The following GRID2 variants were observed in gnomAD, a reference collection of about 807,000 sequenced individuals.
The protein encoded by GRID2 is glutamate receptor ionotropic, delta-2.
A neutral mutation model predicts 114.8 loss-of-function variants in GRID2; 33 were observed. The observed-to-expected ratio is 0.29, with a 90% CI of 0.22 to 0.38. GRID2 has a LOEUF of 0.38. Among genes scored for constraint, GRID2 ranks in the 10% least tolerant of loss-of-function variants. The probability of loss-of-function intolerance (pLI) is 1.00; values close to 1 mark genes in which losing one functional copy is unlikely to be tolerated. For missense variants in GRID2, 1,184 were observed against 1,257.7 expected (o/e 0.94, Z 0.89); for synonymous variants, 505 against 449.9 (o/e 1.12, Z -1.55).
At chr4:93,438,426 T>G (rs1427246150) in intron 10 of GRID2, among the ~76,000 whole-genome samples, 1 of 152,126 alleles carries the variant, frequency 6.6e-6, no homozygotes, top group Non-Finnish European at 1.5e-5. Context: ...CATGTTTGCC[T>G]TGATAAATAG....
chr4:93,662,701 T>A (rs1723602778), intron 14 of GRID2, among the ~76,000 whole-genome samples: 2 of 152,280 alleles, frequency 1.3e-5, no homozygotes, highest in East Asian at 1.9e-4. Flanking sequence ...TGTAGTAGCA[T>A]GAGAGTTTAT....
intron 4 of GRID2, among the ~76,000 whole-genome samples, chr4:93,190,791 T>C (rs914176737): frequency 1.5e-4 from 23 of 152,078 alleles, no homozygotes; most frequent in African/African-American, 5.3e-4. Flanking sequence ...ATAATTCATA[T>C]TGGATGTTTT....
intron 2 of GRID2, among the ~76,000 whole-genome samples, chr4:93,064,789 G>A (rs769018679): frequency 5.9e-5 from 9 of 151,764 alleles, no homozygotes; most frequent in African/African-American, 7.2e-5. Context: ...AGTCTTCTAC[G>A]TATATTAGCA....
chr4:92,772,670 A>G (rs1196626240), intron 2 of GRID2, among the ~76,000 whole-genome samples: 3 of 152,142 alleles, frequency 2.0e-5, no homozygotes, highest in Non-Finnish European at 4.4e-5. Flanking sequence ...TTGCGACCCC[A>G]TGTTCTCTTC....
chr4:93,645,669 C>A (rs1722043043), intron 14 of GRID2, among the ~76,000 whole-genome samples: 1 of 152,138 alleles, frequency 6.6e-6, no homozygotes, highest in Non-Finnish European at 1.5e-5. Flanking sequence ...CTATTCACAT[C>A]TAATACATTT....
At chr4:92,861,862 C>T (rs1413496726) in intron 2 of GRID2, among the ~76,000 whole-genome samples, 1 of 152,026 alleles carries the variant, frequency 6.6e-6, no homozygotes, top group African/African-American at 2.4e-5. Context: ...ACCCTGGCTA[C>T]TCCATGGATC....
At chr4:93,560,254 CAG>C (rs1421008464) in intron 13 of GRID2, among the ~76,000 whole-genome samples, 2 of 52,940 alleles carry the variant, frequency 3.8e-5, no homozygotes, top group Non-Finnish European at 7.6e-5. Flanking sequence ...AAAAAAAAAA[CAG>C]AAAGAAATAC....
chr4:92,711,638 C>CA (rs1224315178), intron 2 of GRID2, among the ~76,000 whole-genome samples: 1 of 152,136 alleles, frequency 6.6e-6, no homozygotes, highest in Non-Finnish European at 1.5e-5. Flanking sequence ...TGGGGTGACT[C>CA]ACGCCTGTAA....
chr4:93,740,379 A>G (rs985653213), intron 14 of GRID2, among the ~76,000 whole-genome samples: 1 of 152,190 alleles, frequency 6.6e-6, no homozygotes, highest in African/African-American at 2.4e-5. Context: ...TCACGTTCCA[A>G]TAAGCTACGC....
intron 8 of GRID2, among the ~76,000 whole-genome samples, chr4:93,387,930 A>G (rs1450692304): frequency 6.6e-6 from 1 of 152,170 alleles, no homozygotes; most frequent in African/African-American, 2.4e-5. Context: ...TCCAATAAAA[A>G]TTGAAGTCTC....
intron 2 of GRID2, among the ~76,000 whole-genome samples, chr4:92,606,176 G>T (rs775098448): frequency 7.4e-4 from 109 of 147,476 alleles, no homozygotes; most frequent in Non-Finnish European, 1.4e-3. Context: ...ATAGTTTTCT[G>T]TACACTTGTA....
intron 2 of GRID2, among the ~76,000 whole-genome samples, chr4:93,011,765 T>G (rs1321130043): frequency 2.6e-5 from 4 of 152,100 alleles, no homozygotes; most frequent in Non-Finnish European, 5.9e-5. Context: ...TTAGTTTTTA[T>G]CCACCTAAAG....
intron 11 of GRID2, among the ~76,000 whole-genome samples, chr4:93,466,760 C>T (rs1452644037): frequency 6.6e-6 from 1 of 152,100 alleles, no homozygotes; most frequent in Non-Finnish European, 1.5e-5. Context: ...CACCTCCTAC[C>T]TCAGTATCAA....
rs1462105719 is a variant in GRID2 at position 93,102,136 on chromosome 4, G to A, written c.530-8612G>A. Among the ~76,000 whole-genome samples the A allele has an allele frequency of 2.0e-5, 3 of 152,194 alleles. No individual in the cohort carries two copies. The East Asian group carries it at 5.8e-4, about 29-fold the overall frequency. On this transcript the variant is annotated intron_variant, in intron 3 of 15. Coordinates refer to ENST00000282020, the MANE Select transcript of GRID2 (RefSeq NM_001510.4). ...AGCTTTTTTAAAATTGACTCATGTA[G>A]TTTGAAAGTCTAGGGAACAGCTGCC...
intron 1 of GRID2, among the ~76,000 whole-genome samples, chr4:92,325,540 G>A (rs1218919731): frequency 6.6e-6 from 1 of 151,800 alleles, no homozygotes; most frequent in African/African-American, 2.4e-5. Context: ...TTGTAATTAT[G>A]TCAAGTGAAG....
At chr4:93,723,207 C>T (rs1327430672) in intron 14 of GRID2, among the ~76,000 whole-genome samples, 4 of 152,150 alleles carry the variant, frequency 2.6e-5, no homozygotes, top group Middle Eastern at 3.2e-3. Flanking sequence ...TATGCTATTA[C>T]GGTCAGTCAT....
intron 2 of GRID2, among the ~76,000 whole-genome samples, chr4:92,979,722 G>T (rs932421490): frequency 6.6e-6 from 1 of 152,094 alleles, no homozygotes; most frequent in Non-Finnish European, 1.5e-5. Context: ...CCATAGTTCT[G>T]CATTTTCAAC....
At chr4:92,618,126 C>T (rs77148955) in intron 2 of GRID2, among the ~76,000 whole-genome samples, 8,420 of 151,598 alleles carry the variant, frequency 0.056, 299 homozygotes, top group East Asian at 0.16. Context: ...ATGTTTTCTT[C>T]TAAAAATTAT....
At chr4:93,727,341 T>G (rs919715448) in intron 14 of GRID2, among the ~76,000 whole-genome samples, 11 of 152,210 alleles carry the variant, frequency 7.2e-5, no homozygotes, top group Non-Finnish European at 1.3e-4. Context: ...GAAGCCCACT[T>G]GATCATGGTG....
Sources: gnomAD v4.1 joint callset for allele counts (sites outside exome capture counted in the v4.1 genomes callset) on GRCh38, gnomAD v4.1.1 for gene constraint, MANE v1.5 for transcripts, NCBI Gene and HGNC (gene_info 2026-07-23, HGNC 2026-07-21) for gene names.